PDS5B: variants seen among roughly 807,000 people sequenced by gnomAD.
PDS5B encodes the protein PDS5 cohesin associated factor B.
PDS5B carries 51 observed loss-of-function variants against 184.1 expected under a neutral mutation model. That is an observed-to-expected ratio of 0.28 (90% CI 0.22 to 0.35). PDS5B has a LOEUF of 0.35. PDS5B is among the 10% of genes least tolerant of loss of function. PDS5B has a pLI of 1.00. For missense variants in PDS5B, 1,180 were observed against 1,723.3 expected, an observed-to-expected ratio of 0.68 and a Z score of 5.58; for synonymous variants, 566 against 569.2, an observed-to-expected ratio of 0.99 and a Z score of 0.08.
chr13:32,697,082 GT>G (rs1951728433), intron 15 of PDS5B, among the ~76,000 whole-genome samples, 180 bp downstream of exon 15: 3 of 152,190 alleles, frequency 2.0e-5, no homozygotes, highest in Admixed American at 2.0e-4. Context: ...ATTTTTAAGA[GT>G]TTATTGAAAT....
At chr13:32,632,514 T>A (rs9591189) in intron 1 of PDS5B, among the ~76,000 whole-genome samples, 3 of 151,932 alleles carry the variant, frequency 2.0e-5, no homozygotes, top group African/African-American at 7.3e-5. Context: ...AGAAAATAAC[T>A]GTTGAAGAGG....
chr13:32,683,519 C>T (rs555381258), intron 10 of PDS5B, among the ~76,000 whole-genome samples: 3 of 151,756 alleles, frequency 2.0e-5, no homozygotes, highest in East Asian at 2.0e-4. Flanking sequence ...GGGGCTTATC[C>T]GTGTTGGTCA....
intron 19 of PDS5B, among the ~76,000 whole-genome samples, chr13:32,711,934 A>G (rs901066672): frequency 1.3e-5 from 2 of 152,172 alleles, no homozygotes; most frequent in Admixed American, 1.3e-4. Context: ...TAGTTTTCCA[A>G]ATGAGGAATC....
At chr13:32,620,379 A>T (rs1408194854) in intron 1 of PDS5B, among the ~76,000 whole-genome samples, 1 of 152,030 alleles carries the variant, frequency 6.6e-6, no homozygotes. Flanking sequence ...AGTGGTAGTG[A>T]TAGCACGGTG....
At chr13:32,701,621 CATAT>C (rs4057294) in intron 17 of PDS5B, among the ~76,000 whole-genome samples, 183 bp downstream of exon 17, 315 of 150,460 alleles carry the variant, frequency 2.1e-3, no homozygotes, top group African/African-American at 7.4e-3. Flanking sequence ...CAGACACACA[CATAT>C]ATATATATAT....
intron 10 of PDS5B, among the ~76,000 whole-genome samples, chr13:32,679,909 G>GTCTGTGTGTC (rs1555301532): frequency 1.4e-4 from 21 of 149,390 alleles, no homozygotes; most frequent in South Asian, 4.2e-4. Context: ...GTGTGTGTGT[G>GTCTGTGTGTC]TGTGTGTCTG....
intron 31 of PDS5B, among the ~76,000 whole-genome samples, chr13:32,767,236 A>G (rs527670084): frequency 6.6e-6 from 1 of 152,298 alleles, no homozygotes; most frequent in African/African-American, 2.4e-5. Context: ...TTAGTAAACT[A>G]GTACCAGAAG....
Position 32,709,980 on chromosome 13 carries a change from C to A in PDS5B, c.1997C>A (p.Ser666Tyr). ...TTTACACATCCCATCTCATTTCATT[C>A]TGCTGAAACATTTGAATCATTACTG... ...LSFTHPISFHSAETFESLLAC... is the reference protein window; with the variant it reads ...LSFTHPISFHYAETFESLLAC... Residue 666 changes from serine to tyrosine, a missense_variant, in exon 19 of 35, where the codon TCT becomes TAT. Transcript: ENST00000315596. 6.7e-7 allele frequency: 1 copy of A among 1,493,300 alleles called. No individual in the cohort carries two copies. 92.5% of individuals were successfully genotyped at this position (1,493,300 alleles called of 1,614,324 possible). A position where few individuals can be genotyped will look rare whatever the true frequency, so the allele number is the denominator to read the frequency against.
chr13:32,717,193 C>T (rs1393225945), intron 19 of PDS5B, among the ~76,000 whole-genome samples: 3 of 151,292 alleles, frequency 2.0e-5, no homozygotes, highest in South Asian at 2.1e-4. Context: ...GGAGGTGTAC[C>T]CAACAGCTCA....
chr13:32,712,132 A>G (rs1334371786), intron 19 of PDS5B, among the ~76,000 whole-genome samples: 1 of 152,168 alleles, frequency 6.6e-6, no homozygotes, highest in Non-Finnish European at 1.5e-5. Flanking sequence ...TTTTCATTCT[A>G]GATTGTTTTT....
At chr13:32,703,930 G>C (rs1951933348) in intron 17 of PDS5B, among the ~76,000 whole-genome samples, 1 of 151,988 alleles carries the variant, frequency 6.6e-6, no homozygotes. Context: ...TTTCCATAGG[G>C]ACTCAGTGAA....
intron 1 of PDS5B, among the ~76,000 whole-genome samples, chr13:32,643,447 AGATAT>A (rs1227420856): frequency 6.6e-6 from 1 of 152,154 alleles, no homozygotes; most frequent in African/African-American, 2.4e-5. Flanking sequence ...TAAAAAACTT[AGATAT>A]GAAAGTGTCT....
At chr13:32,694,009 C>T (rs1272651186) in intron 13 of PDS5B, among the ~76,000 whole-genome samples, 1 of 151,760 alleles carries the variant, frequency 6.6e-6, no homozygotes, top group Admixed American at 6.6e-5. Flanking sequence ...AATTCCTACC[C>T]TAATTCGACC....
At chr13:32,719,499 T>A (rs1445326977) in intron 19 of PDS5B, among the ~76,000 whole-genome samples, 5 of 151,966 alleles carry the variant, frequency 3.3e-5, no homozygotes, top group East Asian at 3.9e-4. Flanking sequence ...GTATTATTTT[T>A]AAAAAATTCA....
At chr13:32,587,166 C>T (rs1040464324) in intron 1 of PDS5B, among the ~76,000 whole-genome samples, 3 of 149,106 alleles carry the variant, frequency 2.0e-5, no homozygotes, top group Admixed American at 6.6e-5. Context: ...CGCGGGCGCT[C>T]TCGCCCCCGC....
At chr13:32,628,312 T>A (rs897072285) in intron 1 of PDS5B, among the ~76,000 whole-genome samples, 1 of 152,132 alleles carries the variant, frequency 6.6e-6, no homozygotes, top group Non-Finnish European at 1.5e-5. Flanking sequence ...ATCTTAGCAC[T>A]TTGGGAGGCT....
chr13:32,721,774 G>A (rs1952717079), intron 19 of PDS5B, among the ~76,000 whole-genome samples: 1 of 151,838 alleles, frequency 6.6e-6, no homozygotes, highest in Non-Finnish European at 1.5e-5. Flanking sequence ...GCCTGGCAGA[G>A]GGGCTCCTCA....
At chr13:32,719,543 C>A (rs1193192793) in intron 19 of PDS5B, among the ~76,000 whole-genome samples, 3 of 151,904 alleles carry the variant, frequency 2.0e-5, no homozygotes, top group Non-Finnish European at 4.4e-5. Flanking sequence ...TTACCCCCCA[C>A]TCCCTGCCCC....
chr13:32,648,032 G>T (rs1950271519), intron 1 of PDS5B, among the ~76,000 whole-genome samples: 2 of 152,198 alleles, frequency 1.3e-5, no homozygotes, highest in African/African-American at 2.4e-5. Context: ...GGTCATGTCA[G>T]CCCCAGCAAG....
Sources: allele counts gnomAD v4.1 joint callset (sites outside exome capture counted in the v4.1 genomes callset), GRCh38; gene constraint gnomAD v4.1.1; transcripts MANE v1.5; gene names NCBI Gene and HGNC (gene_info 2026-07-23, HGNC 2026-07-21).